Variants in PDE4B observed in about 807,000 individuals in gnomAD.
PDE4B encodes the protein phosphodiesterase 4B, also known as 3',5'-cyclic-AMP phosphodiesterase 4B.
A neutral mutation model predicts 82.2 loss-of-function variants in PDE4B; 20 were observed. The observed-to-expected ratio is 0.24, with a 90% CI of 0.17 to 0.35. The LOEUF (loss-of-function observed/expected upper bound fraction) is 0.35. PDE4B is among the 10% of genes least tolerant of loss of function. The pLI, the probability that PDE4B is intolerant of heterozygous loss-of-function variation, is 1.00. For synonymous variants in PDE4B, 320 were observed against 318.9 expected (o/e 1.00, Z -0.04); for missense variants, 655 against 907.2 (o/e 0.72, Z 3.57).
At position 66,211,230 on chromosome 1, in the gene PDE4B, A is replaced by G. The variant is rs181268363; in HGVS notation, c.282-36230A>G. ...TAATCTCTCCTAATACTCAGACACT[A>G]TCCAGGTGCAACTTATTTGTATAAA... On this transcript the variant is annotated intron_variant, in intron 3 of 16. Transcript: ENST00000341517. Among the ~76,000 whole-genome samples the G allele has an allele frequency of 9.1e-4, 139 of 152,344 alleles. 1 individual carries two copies. Among genetic ancestry groups the G allele is most frequent in the African/African-American group, 3.2e-3 (134 of 41,582 alleles).
chr1:65,911,786 T>C (rs1647094961), intron 1 of PDE4B, among the ~76,000 whole-genome samples: 1 of 152,154 alleles, frequency 6.6e-6, no homozygotes, highest in Non-Finnish European at 1.5e-5. Context: ...CCTAGAGCAC[T>C]TATAAAGGCA....
intron 10 of PDE4B, among the ~76,000 whole-genome samples, chr1:66,362,143 TATGA>T (rs1321900266): frequency 1.3e-5 from 2 of 152,194 alleles, no homozygotes; most frequent in Non-Finnish European, 1.5e-5. Flanking sequence ...GACAGTTCAT[TATGA>T]ATGAAGAATC....
At chr1:65,984,627 C>T (rs142377490) in intron 3 of PDE4B, among the ~76,000 whole-genome samples, 523 of 152,070 alleles carry the variant, frequency 3.4e-3, no homozygotes, top group African/African-American at 0.011. Context: ...TGGTGGTGGG[C>T]GCATGTAGTC....
At chr1:65,903,419 GCACACA>G (rs10580572) in intron 1 of PDE4B, among the ~76,000 whole-genome samples, 117 of 148,560 alleles carry the variant, frequency 7.9e-4, no homozygotes, top group Middle Eastern at 3.4e-3. Context: ...ACACACACAT[GCACACA>G]CACACACACA....
chr1:66,228,196 C>T (rs1484442152), intron 3 of PDE4B, among the ~76,000 whole-genome samples: 3 of 152,200 alleles, frequency 2.0e-5, no homozygotes, highest in Admixed American at 2.0e-4. Context: ...TAAATCTCTC[C>T]TGGCACTATT....
chr1:66,005,187 G>T (rs1355241766), intron 3 of PDE4B, among the ~76,000 whole-genome samples: 1 of 152,084 alleles, frequency 6.6e-6, no homozygotes, highest in African/African-American at 2.4e-5. Flanking sequence ...TTTTATAAAA[G>T]GGGGAAGAGT....
intron 7 of PDE4B, among the ~76,000 whole-genome samples, chr1:66,304,636 G>C (rs1401686086): frequency 6.6e-6 from 1 of 152,010 alleles, no homozygotes; most frequent in Non-Finnish European, 1.5e-5. Flanking sequence ...TGACATAGAG[G>C]GGTCATATCA....
At chr1:66,051,501 A>T (rs1655024714) in intron 3 of PDE4B, among the ~76,000 whole-genome samples, 1 of 152,166 alleles carries the variant, frequency 6.6e-6, no homozygotes, top group Non-Finnish European at 1.5e-5. Context: ...TGAAGAGAAA[A>T]GAGAAGATTT....
chr1:66,230,150 T>A (rs886899204), intron 3 of PDE4B, among the ~76,000 whole-genome samples: 10 of 152,218 alleles, frequency 6.6e-5, no homozygotes, highest in South Asian at 6.2e-4. Context: ...TTGCAGCCCC[T>A]GTCCTAGGCT....
chr1:65,897,117 A>G (rs966844723), intron 1 of PDE4B, among the ~76,000 whole-genome samples: 4 of 152,288 alleles, frequency 2.6e-5, no homozygotes, highest in African/African-American at 9.6e-5. Context: ...TCAGATATAT[A>G]GGATGCATTA....
chr1:66,355,417 G>A, intron 8 of PDE4B, 110 bp from the exon 9 acceptor site: 1 of 561,110 alleles, frequency 1.8e-6, no homozygotes, highest in Non-Finnish European at 3.2e-6. Context: ...TTTATCTAAT[G>A]GTATCTGCTC....
chr1:66,161,364 C>T (rs978664977), intron 3 of PDE4B, among the ~76,000 whole-genome samples: 3 of 152,096 alleles, frequency 2.0e-5, no homozygotes, highest in East Asian at 1.9e-4. Context: ...AAGAAATTGT[C>T]CCCTTTGTCA....
intron 3 of PDE4B, among the ~76,000 whole-genome samples, chr1:66,189,660 T>G (rs1056396146): frequency 1.1e-4 from 17 of 152,364 alleles, no homozygotes; most frequent in Non-Finnish European, 2.2e-4. Flanking sequence ...CACGTAGTTC[T>G]CATGCCATGG....
At chr1:65,887,230 CTTTCTTTCTTTCTTTCT>C (rs1646792209) in intron 1 of PDE4B, among the ~76,000 whole-genome samples, 1 of 20,590 alleles carries the variant, frequency 4.9e-5, no homozygotes, top group African/African-American at 2.8e-4. Flanking sequence ...TTCTTTCTTT[CTTTCTTTCTTTCTTTCT>C]TTTCTTTCTT....
chr1:65,937,111 A>G (rs1216387551), intron 3 of PDE4B, among the ~76,000 whole-genome samples: 2 of 152,170 alleles, frequency 1.3e-5, no homozygotes, highest in Non-Finnish European at 2.9e-5. Context: ...AGAAGATTAT[A>G]AATATGGTTG....
At chr1:66,194,091 G>C in intron 3 of PDE4B, among the ~76,000 whole-genome samples, 1 of 151,656 alleles carries the variant, frequency 6.6e-6, no homozygotes, top group Non-Finnish European at 1.5e-5. Flanking sequence ...ACTTTCTTCT[G>C]TTCTTAGATG....
intron 3 of PDE4B, among the ~76,000 whole-genome samples, chr1:66,087,938 C>T (rs1380174940): frequency 6.6e-6 from 1 of 151,310 alleles, no homozygotes; most frequent in Non-Finnish European, 1.5e-5. Context: ...TTAGTGGGTG[C>T]AGCACACCAG....
intron 8 of PDE4B, among the ~76,000 whole-genome samples, chr1:66,350,278 A>T (rs1264375807): frequency 6.6e-6 from 1 of 152,104 alleles, no homozygotes; most frequent in Admixed American, 6.5e-5. Flanking sequence ...AAACAGGAAG[A>T]TCCCACACAA....
chr1:66,117,381 G>A (rs1645617053), intron 3 of PDE4B, among the ~76,000 whole-genome samples: 4 of 152,068 alleles, frequency 2.6e-5, no homozygotes, highest in Admixed American at 2.0e-4. Flanking sequence ...ACACTCTGTT[G>A]TGTCACTGAT....
Sources: allele counts gnomAD v4.1 joint callset (sites outside exome capture counted in the v4.1 genomes callset), GRCh38; gene constraint gnomAD v4.1.1; transcripts MANE v1.5; gene names NCBI Gene and HGNC (gene_info 2026-07-23, HGNC 2026-07-21).